The following CD163L1 variants were observed in gnomAD, a reference collection of about 807,000 sequenced individuals.
CD163L1 encodes CD163 molecule like 1.
A neutral mutation model predicts 165.4 loss-of-function variants in CD163L1; 124 were observed. The observed-to-expected ratio is 0.75, with a 90% CI of 0.65 to 0.87. The LOEUF (loss-of-function observed/expected upper bound fraction) is 0.87, where lower values mean the gene tolerates loss of function less well. Ranked by LOEUF, CD163L1 falls within the 40% of genes least tolerant of loss-of-function variation. CD163L1 has a pLI of 0.00. For synonymous variants in CD163L1, 585 were observed against 662.2 expected, an observed-to-expected ratio of 0.88 and a Z score of 1.79; for missense variants, 1,525 against 1,799.9, an observed-to-expected ratio of 0.85 and a Z score of 2.76.
At chr12:7,439,898 C>T in intron 2 of CD163L1, 1 of 1,601,696 alleles carries the variant, frequency 6.2e-7, no homozygotes, top group African/African-American at 1.4e-5. Flanking sequence ...ACTACTCCAA[C>T]TCCTTCTTCG....
chr12:7,403,640 T>A lies in CD163L1; in HGVS notation c.1303A>T (p.Ser435Cys), dbSNP rs753890551. Residue 435 changes from serine (S) to cysteine (C), a missense_variant, in exon 6 of 20, where the codon AGC (serine) becomes TGC (cysteine). Ser to Cys is a moderately radical substitution (Grantham distance 112). Transcript: ENST00000313599. ...SNEARDIWIN[S>C]ISCTGNESAL... ...GACTCATTCCCAGTGCAAGATATGC[T>A]GTTTATCCAAATGTCTCTAGCTTCA... The A allele has an allele frequency of 5.6e-6, 9 of 1,614,082 alleles. No individual in the cohort carries two copies. The highest frequency in any genetic ancestry group is 7.6e-6 in the Non-Finnish European group (9 of 1,179,978).
chr12:7,321,995 C>A, the CD163L1 span, among the ~76,000 whole-genome samples: 1 of 152,200 alleles, frequency 6.6e-6, no homozygotes, highest in Admixed American at 6.5e-5. Flanking sequence ...TCTTTAACCT[C>A]TCTGAACCTC....
At chr12:7,371,962 G>C (rs1463414952) in intron 14 of CD163L1, among the ~76,000 whole-genome samples, 5 of 151,702 alleles carry the variant, frequency 3.3e-5, no homozygotes, top group Non-Finnish European at 7.4e-5. Flanking sequence ...GGTATTATAG[G>C]TGATATCTGT....
intron 4 of CD163L1, among the ~76,000 whole-genome samples, chr12:7,409,516 C>G (rs986331164): frequency 1.3e-5 from 2 of 152,130 alleles, no homozygotes; most frequent in African/African-American, 4.8e-5. Context: ...ATGCACAGTT[C>G]ACAATAGGGT....
chr12:7,331,925 T>C, the CD163L1 span, among the ~76,000 whole-genome samples: 9 of 152,230 alleles, frequency 5.9e-5, no homozygotes, highest in East Asian at 1.7e-3. Flanking sequence ...AGAACAAAGC[T>C]GGAGGGAGAA....
rs745752972 is a variant in CD163L1, at chr12:7,374,735, A to G, written c.3116T>C (p.Val1039Ala). The change falls in exon 13 of 20, where the codon GTG (valine) becomes GCG (alanine). Residue 1039 changes from valine (V) to alanine (A), a missense_variant. By Grantham distance (64) the Val-to-Ala change is moderately conservative. Coordinates refer to ENST00000313599, the MANE Select transcript of CD163L1 (RefSeq NM_174941.6). This position sits in a 1 kb window ranked among gnomAD's most constrained non-coding sequence, Gnocchi z 5.4. ...ICLEDKRLRL[V>A]DGDSRCAGRV... The stretch of plus-strand genomic sequence containing the variant: ...CCCGGCACAGCGGCTGTCCCCATCC[A>G]CTAGGCGGAGCCGTTTGTCCTCTTA... 6 of 1,613,692 alleles carry G rather than the reference A, an allele frequency of 3.7e-6. No homozygotes were observed. In the African/African-American group the frequency reaches 6.7e-5, roughly 18 times the overall value.
Position 7,373,427 on chromosome 12 carries a change from T to C in CD163L1, c.3623A>G (p.Asp1208Gly). 6.2e-7 allele frequency: 1 copy of C among 1,614,168 alleles called. No individual in the cohort carries two copies. The highest frequency in any genetic ancestry group is 8.5e-7 in the Non-Finnish European group (1 of 1,180,016). ...SKTGSGFMWVDDIQCPKTHIS... is the reference protein window; with the variant it reads ...SKTGSGFMWVGDIQCPKTHIS... ...ATGCGTTTTAGGACACTGAATGTCA[T>C]CCACCCACATGAAACCAGAGCCTGT... The change falls in exon 14 of 20, where the codon GAT (aspartate) becomes GGT (glycine). Residue 1208 changes from aspartate to glycine, a missense_variant. Coordinates refer to ENST00000313599, the MANE Select transcript of CD163L1 (RefSeq NM_174941.6).
chr12:7,399,377 T>C (rs1265151116), intron 6 of CD163L1, among the ~76,000 whole-genome samples: 1 of 53,330 alleles, frequency 1.9e-5, no homozygotes, highest in Non-Finnish European at 3.8e-5. Context: ...TTTCTTTCTC[T>C]GACTTCTTTC....
chr12:7,341,541 A>G, the CD163L1 span, among the ~76,000 whole-genome samples: 1 of 152,184 alleles, frequency 6.6e-6, no homozygotes, highest in Non-Finnish European at 1.5e-5. Context: ...GTGTTTTATG[A>G]TGTACAGAAA....
Position 7,370,757 on chromosome 12 carries a change from C to T in CD163L1, c.3731-1092G>A, listed in dbSNP as rs79416790. Among the ~76,000 whole-genome samples, 791 of 152,148 alleles carry T rather than the reference C, an allele frequency of 5.2e-3. 31 individuals carry two copies. The East Asian group carries it at 0.07, about 14-fold the overall frequency. On this transcript the variant is annotated intron_variant, in intron 14 of 19. Coordinates refer to ENST00000313599, the MANE Select transcript of CD163L1 (RefSeq NM_174941.6). ...CAAACATCTTGAGTTTATTTTTTCT[C>T]GTCATTTTTGTAAATCTCCTGCTCA...
intron 4 of CD163L1, among the ~76,000 whole-genome samples, chr12:7,425,013 AG>A (rs930054597): frequency 2.9e-4 from 44 of 152,326 alleles, no homozygotes; most frequent in Middle Eastern, 6.8e-3. Flanking sequence ...ACCAAAAAAG[AG>A]CCCATATAGC....
Position 7,379,318 on chromosome 12 carries a change from T to A in CD163L1, c.2051-20A>T. On this transcript the variant is annotated intron_variant, in intron 8 of 19. Transcript: ENST00000313599. Reference sequence around the variant, plus strand: ...ATGCATCTGAAACCAAATACCACAATGATTTTAGAGAAGCACTCTATGTGA... The same window carrying A: ...ATGCATCTGAAACCAAATACCACAAAGATTTTAGAGAAGCACTCTATGTGA... 2 of 1,610,352 alleles carry A rather than the reference T, an allele frequency of 1.2e-6. No individual in the cohort carries two copies. Among genetic ancestry groups the A allele is most frequent in the East Asian group, 4.5e-5 (2 of 44,810 alleles).
At position 7,382,023 on chromosome 12, in the gene CD163L1, T is replaced by C. The variant is rs1189846130; in HGVS notation, c.2051-2725A>G. Among the ~76,000 whole-genome samples, 3 of 148,044 alleles carry C rather than the reference T, an allele frequency of 2.0e-5. No homozygotes were observed. The South Asian group carries it at 6.3e-4, about 31-fold the overall frequency. The stretch of plus-strand genomic sequence containing the variant: ...TATATATTTATATATAATGGTTTTA[T>C]ATAGAATTGTTTATATATAATTGTT... On this transcript the variant is annotated intron_variant, in intron 8 of 19. Coordinates refer to ENST00000313599, the MANE Select transcript of CD163L1 (RefSeq NM_174941.6).
intron 9 of CD163L1, among the ~76,000 whole-genome samples, chr12:7,378,341 A>G (rs1947314560): frequency 6.6e-6 from 1 of 152,118 alleles, no homozygotes; most frequent in African/African-American, 2.4e-5. Context: ...ACACACAGAC[A>G]CACACATAAA....
In CD163L1 at chr12:7,432,468, T is replaced by A; in HGVS notation, c.714A>T (p.Gly238=). The change falls in exon 4 of 20, where the codon GGA becomes GGT. Residue 238 remains glycine, a synonymous_variant. Transcript: ENST00000313599. The surrounding 1 kb of genome is among the most constrained non-coding windows in gnomAD (Gnocchi z 4.2). ...TGTGACTGCAGTCATGATTTCCCCA[T>A]CCACGATGTCTGCAATTCCAGAGTG... ...ELALWNCRHR[G]WGNHDCSHNE... is the part of the protein sequence containing the mutation. The A allele has an allele frequency of 6.2e-7, 1 of 1,614,110 alleles. No individual in the cohort carries two copies. Among genetic ancestry groups the A allele is most frequent in the Non-Finnish European group, 8.5e-7 (1 of 1,179,980 alleles).
chr12:7,333,036 C>A, the CD163L1 span, among the ~76,000 whole-genome samples: 2 of 152,114 alleles, frequency 1.3e-5, no homozygotes, highest in South Asian at 4.2e-4. Context: ...ATTCAGGAAA[C>A]CCATCTCACC....
intron 8 of CD163L1, among the ~76,000 whole-genome samples, chr12:7,384,397 C>A (rs996239577): frequency 2.0e-5 from 3 of 151,994 alleles, no homozygotes; most frequent in African/African-American, 4.8e-5. Context: ...CTGAAACTTT[C>A]CAGGTTTTAA....
the CD163L1 span, chr12:7,327,085 A>G: frequency 6.2e-7 from 1 of 1,605,202 alleles, no homozygotes; most frequent in Non-Finnish European, 8.5e-7. Context: ...CCTTACAAAT[A>G]TCCAAGAAAG....
chr12:7,352,918 A>G (rs1946717159), downstream of CD163L1, among the ~76,000 whole-genome samples: 1 of 152,130 alleles, frequency 6.6e-6, no homozygotes, highest in South Asian at 2.1e-4. Context: ...GAGATAAGAA[A>G]GAAACAGGGA....
Sources: allele counts gnomAD v4.1 joint callset (sites outside exome capture counted in the v4.1 genomes callset), GRCh38; gene constraint gnomAD v4.1.1; non-coding constraint Gnocchi (gnomAD v3.1); transcripts MANE v1.5; gene names NCBI Gene and HGNC (gene_info 2026-07-23, HGNC 2026-07-21).